The following FAM193B variants were observed in gnomAD, a reference collection of about 807,000 sequenced individuals.
FAM193B encodes the protein family with sequence similarity 193 member B, also known as protein FAM193B.
In FAM193B, 27 loss-of-function variants were observed where a neutral mutation model predicts 70.7. That is an observed-to-expected ratio of 0.38 (90% CI 0.28 to 0.53). The LOEUF is 0.53. Ranked by LOEUF, FAM193B falls within the 20% of genes least tolerant of loss-of-function variation. The pLI is 0.81. For synonymous variants in FAM193B, 448 were observed against 436.0 expected, an observed-to-expected ratio of 1.03 and a Z score of -0.34; for missense variants, 1,022 against 1,072.5, an observed-to-expected ratio of 0.95 and a Z score of 0.66.
rs571843280 is a variant in FAM193B at position 177,548,497 on chromosome 5, C to T, written c.210+5752G>A. On this transcript the variant is annotated intron_variant, in intron 1 of 8. Coordinates refer to ENST00000514747, the MANE Select transcript of FAM193B (RefSeq NM_001190946.3). Reference sequence around the variant, plus strand: ...GTTCTTGTTTATGGAAAAGCTCCTCCCTGGGAAACCCACTGTTTGAAGAAT... The same window carrying T: ...GTTCTTGTTTATGGAAAAGCTCCTCTCTGGGAAACCCACTGTTTGAAGAAT... 2.6e-5 allele frequency among the ~76,000 whole-genome samples: 4 copies of T among 152,292 alleles called. No homozygotes were observed. In the South Asian group the frequency reaches 8.3e-4, roughly 32 times the overall value.
chr5:177,525,146 T>C lies in FAM193B; in HGVS notation c.1335A>G (p.Gly445=), dbSNP rs772436508. 1.2e-5 allele frequency: 18 copies of C among 1,528,058 alleles called. No individual in the cohort carries two copies. Among genetic ancestry groups the C allele is most frequent in the Non-Finnish European group, 1.6e-5 (18 of 1,138,934 alleles). The allele number at this position is 1,528,058 out of a possible 1,614,324, so 94.7% of individuals were successfully genotyped here. ...EALKQANRVS[G]SREPRPARER... ...CCCTGGCAGGCCTTGGCTCCCGGCT[T>C]CCAGAAACACGATTTGCCTGCTTTA... The change falls in exon 6 of 9, where the codon GGA becomes GGG. Residue 445 remains glycine, a synonymous_variant. Transcript: ENST00000514747.
intron 6 of FAM193B, 62 bp from the exon 7 acceptor site, chr5:177,524,094 G>A: frequency 6.2e-7 from 1 of 1,612,908 alleles, no homozygotes; most frequent in Non-Finnish European, 8.5e-7. Context: ...TTATGCTCTG[G>A]GGGCAGCGCT....
Position 177,531,807 on chromosome 5 carries a change from A to G in FAM193B, c.1275+636T>C, listed in dbSNP as rs116466627. On this transcript the variant is annotated intron_variant, in intron 5 of 8. Coordinates refer to ENST00000514747, the MANE Select transcript of FAM193B (RefSeq NM_001190946.3). ...CTGGGAAGCTGTATGACCTTGGGCGAGTCACCGAGTCTTTGTGAGCCTCAA... is the reference window on the plus strand; with the variant it reads ...CTGGGAAGCTGTATGACCTTGGGCGGGTCACCGAGTCTTTGTGAGCCTCAA... 1,672 of 998,570 alleles carry G rather than the reference A, an allele frequency of 1.7e-3. 21 individuals carry two copies. In the African/African-American group the frequency reaches 0.027, roughly 16 times the overall value. 61.9% of individuals were successfully genotyped at this position (998,570 alleles called of 1,614,324 possible).
At chr5:177,533,725 C>T (rs1239448666) in intron 4 of FAM193B, among the ~76,000 whole-genome samples, 1 of 152,194 alleles carries the variant, frequency 6.6e-6, no homozygotes, top group Non-Finnish European at 1.5e-5. Flanking sequence ...GTGGCCAGGA[C>T]TCAAGGATGC....
In FAM193B at chr5:177,538,932, C is replaced by T; in HGVS notation, c.426G>A (p.Arg142=). ...SCRKSMEEDE[R]QTGREHAVAI... is the part of the protein sequence containing the mutation. ...CCACTGCATGTTCTCGACCTGTCTG[C>T]CTTTCATCTTCCTCCATGCTCTTTC... is the stretch of plus-strand genomic sequence containing the variant. Residue 142 remains arginine (R), a synonymous_variant, in exon 2 of 9, where the codon AGG becomes AGA. Coordinates refer to ENST00000514747, the MANE Select transcript of FAM193B (RefSeq NM_001190946.3). The surrounding 1 kb of genome is among the most constrained non-coding windows in gnomAD (Gnocchi z 4.1). 1 of 1,614,076 alleles carries T rather than the reference C, an allele frequency of 6.2e-7. No individual in the cohort carries two copies. Among genetic ancestry groups the T allele is most frequent in the Non-Finnish European group, 8.5e-7 (1 of 1,179,894 alleles).
rs1763703768 is a variant in FAM193B, at chr5:177,532,928, C to T, written c.1077-287G>A. ...TCAGGTTACTGTGCACACGTCACTC[C>T]ATCTTCTGCTTATTGTGCGTCACTG... On this transcript the variant is annotated intron_variant, in intron 4 of 8. Transcript: ENST00000514747. This position sits in a 1 kb window ranked among gnomAD's most constrained non-coding sequence, Gnocchi z 4.9. Among the ~76,000 whole-genome samples, 1 of 152,234 alleles carries T rather than the reference C, an allele frequency of 6.6e-6. No homozygotes were observed. The highest frequency in any genetic ancestry group is 1.5e-5 in the Non-Finnish European group (1 of 68,044).
At position 177,532,042 on chromosome 5, in the gene FAM193B, C is replaced by T. The variant is rs1184782206; in HGVS notation, c.1275+401G>A. 14 of 1,292,996 alleles carry T rather than the reference C, an allele frequency of 1.1e-5. 1 individual carries two copies. Among genetic ancestry groups the T allele is most frequent in the Admixed American group, 4.6e-5 (2 of 43,628 alleles). The allele number at this position is 1,292,996 out of a possible 1,614,324, so 80.1% of individuals were successfully genotyped here. A position where few individuals can be genotyped will look rare whatever the true frequency, so the allele number is the denominator to read the frequency against. On this transcript the variant is annotated intron_variant, in intron 5 of 8. Transcript: ENST00000514747. The surrounding 1 kb of genome is among the most constrained non-coding windows in gnomAD (Gnocchi z 4.9). ...TCCTTCCTGGCGCCGTCTGTGCTCA[C>T]GGCCTGTCCCTCGGCTGGCTGTCAC...
intron 8 of FAM193B, among the ~76,000 whole-genome samples, chr5:177,520,850 A>G (rs561730111): frequency 1.3e-5 from 2 of 152,218 alleles, no homozygotes; most frequent in South Asian, 4.1e-4. Flanking sequence ...ACTGAGCCCA[A>G]CCCCTTCAGA....
At chr5:177,537,759 C>T in intron 3 of FAM193B, 114 bp downstream of exon 3, 1 of 1,407,494 alleles carries the variant, frequency 7.1e-7, no homozygotes, top group East Asian at 2.5e-5. Flanking sequence ...CAGAACAGTT[C>T]CACTTTTACT....
chr5:177,531,708 G>C (rs1407542121), intron 5 of FAM193B: 1 of 626,674 alleles, frequency 1.6e-6, no homozygotes, highest in Non-Finnish European at 2.3e-6. Flanking sequence ...GAAGGGACTA[G>C]GAGGGAACAG....
chr5:177,529,143 C>T (rs1763075223), intron 5 of FAM193B, among the ~76,000 whole-genome samples: 1 of 151,934 alleles, frequency 6.6e-6, no homozygotes, highest in Non-Finnish European at 1.5e-5. Flanking sequence ...TCACAGATGA[C>T]AGAGCCAGGG....
At chr5:177,545,913 CA>C (rs1447690479) in intron 1 of FAM193B, among the ~76,000 whole-genome samples, 1 of 152,158 alleles carries the variant, frequency 6.6e-6, no homozygotes, top group Non-Finnish European at 1.5e-5. Context: ...TGCCCTGCAA[CA>C]GGTCCCAAAT....
At chr5:177,539,993 T>C (rs1314533366) in intron 1 of FAM193B, among the ~76,000 whole-genome samples, 1 of 152,018 alleles carries the variant, frequency 6.6e-6, no homozygotes, top group Non-Finnish European at 1.5e-5. Context: ...TTTTTTGCCT[T>C]CTGTGACAAA....
rs1581963505 is a variant in FAM193B at position 177,554,428 on chromosome 5, C to T, written c.31G>A (p.Gly11Ser). The T allele has an allele frequency of 1.8e-6, 2 of 1,082,690 alleles. No homozygotes were observed. Among genetic ancestry groups the T allele is most frequent in the East Asian group, 1.2e-4 (2 of 16,824 alleles). 67.1% of individuals were successfully genotyped at this position (1,082,690 alleles called of 1,614,324 possible). ...CGAGCCCGCTCGCGCCTGCCCGCAC[C>T]GCCGCTCGGCCTGCTCCGCCTCCGC... MTRRRSRPSGGAGRRERARAA... is the reference protein window; with the variant it reads MTRRRSRPSGSAGRRERARAA... Residue 11 changes from glycine to serine, a missense_variant, in exon 1 of 9, where the codon GGT becomes AGT. Physicochemically the swap from Gly to Ser is moderately conservative, Grantham distance 56. Transcript: ENST00000514747.
intron 1 of FAM193B, among the ~76,000 whole-genome samples, chr5:177,539,899 A>C (rs1561777121): frequency 6.6e-6 from 1 of 152,180 alleles, no homozygotes; most frequent in Admixed American, 6.5e-5. Flanking sequence ...AGTTGTTGTA[A>C]GGATCATCAC....
rs1360810861 is a variant in FAM193B at position 177,524,256 on chromosome 5, T to C, written c.2225A>G (p.Gln742Arg). The change falls in exon 6 of 9, where the codon CAG (glutamine) becomes CGG (arginine). Residue 742 changes from glutamine to arginine, a missense_variant. By Grantham distance (43) the Gln-to-Arg change is conservative. Coordinates refer to ENST00000514747, the MANE Select transcript of FAM193B (RefSeq NM_001190946.3). ...SVQPSGPARPQSLPQGKGRSR... is the reference protein window; with the variant it reads ...SVQPSGPARPRSLPQGKGRSR... ...GCGGCCCTTGCCCTGGGGCAAGCTC[T>C]GTGGCCTTGCTGGGCCTGAGGGCTG... 6.4e-7 allele frequency: 1 copy of C among 1,565,236 alleles called. No individual in the cohort carries two copies. Among genetic ancestry groups the C allele is most frequent in the East Asian group, 2.3e-5 (1 of 43,558 alleles).
At position 177,519,854 on chromosome 5, in the gene FAM193B, T is replaced by A. The variant is rs760665279; in HGVS notation, c.*329A>T. 6 of 152,004 alleles carry A rather than the reference T, an allele frequency of 3.9e-5. No homozygotes were observed. The highest frequency in any genetic ancestry group is 7.4e-5 in the Non-Finnish European group (5 of 67,988). 9.4% of individuals were successfully genotyped at this position (152,004 alleles called of 1,614,324 possible). A position where few individuals can be genotyped will look rare whatever the true frequency, so the allele number is the denominator to read the frequency against. On this transcript the variant is annotated 3_prime_UTR_variant, in exon 9 of 9. Coordinates refer to ENST00000514747, the MANE Select transcript of FAM193B (RefSeq NM_001190946.3). The stretch of plus-strand genomic sequence containing the variant: ...CTTCACAGTATCAAAAGTAAAGAAT[T>A]GGAAAAAAACAAAATAAAAACAAAA...
intron 1 of FAM193B, among the ~76,000 whole-genome samples, chr5:177,551,358 T>C (rs1357074183): frequency 6.6e-6 from 1 of 152,334 alleles, no homozygotes; most frequent in South Asian, 2.1e-4. Flanking sequence ...TTTGGGTTGT[T>C]AGGAAACAGA....
intron 1 of FAM193B, among the ~76,000 whole-genome samples, chr5:177,546,558 C>T (rs1461619532): frequency 6.6e-6 from 1 of 152,232 alleles, no homozygotes; most frequent in Non-Finnish European, 1.5e-5. Flanking sequence ...CTCTGAGCCA[C>T]TGATGAGAGG....
Sources: allele counts gnomAD v4.1 joint callset (sites outside exome capture counted in the v4.1 genomes callset), GRCh38; gene constraint gnomAD v4.1.1; non-coding constraint Gnocchi (gnomAD v3.1); transcripts MANE v1.5; gene names NCBI Gene and HGNC (gene_info 2026-07-23, HGNC 2026-07-21).